The following TOP3A variants were observed in gnomAD, a reference collection of about 807,000 sequenced individuals.
TOP3A encodes DNA topoisomerase III alpha, also known as DNA topoisomerase 3-alpha.
In TOP3A, 64 loss-of-function variants were observed where a neutral mutation model predicts 111.3. The observed-to-expected ratio is 0.57, with a 90% CI of 0.47 to 0.71. The LOEUF (loss-of-function observed/expected upper bound fraction) is 0.71. TOP3A is among the 30% of genes least tolerant of loss of function. The probability of loss-of-function intolerance (pLI) is 0.00; values close to 1 mark genes in which losing one functional copy is unlikely to be tolerated. For synonymous variants in TOP3A, 484 were observed against 485.1 expected (o/e 1.00, Z 0.03); for missense variants, 1,104 against 1,285.0 (o/e 0.86, Z 2.15).
chr17:18,297,903 G>A (rs1212562769), intron 9 of TOP3A, among the ~76,000 whole-genome samples: 1 of 151,592 alleles, frequency 6.6e-6, no homozygotes, highest in Non-Finnish European at 1.5e-5. Flanking sequence ...GATGTGAGGA[G>A]CCCCTCTGCC....
chr17:18,289,203 TG>T (rs34641517), intron 13 of TOP3A, among the ~76,000 whole-genome samples: 1 of 152,106 alleles, frequency 6.6e-6, no homozygotes, highest in Non-Finnish European at 1.5e-5. Context: ...TTAGTAGTGA[TG>T]GGGTTTTGCC....
chr17:18,305,152 G>T lies in TOP3A; in HGVS notation c.459C>A (p.Gly153=), dbSNP rs761915745. ...GGATAATCTCAAACCCGATGTTTTC[G>T]CCTTCTCTATCACAGTCAGTCCAGA... The part of the protein sequence containing the change: ...LVIWTDCDRE[G]ENIGFEIIHV... Residue 153 remains glycine, a synonymous_variant, in exon 5 of 19, where the codon GGC becomes GGA. Transcript: ENST00000321105. 1.9e-6 allele frequency: 3 copies of T among 1,614,082 alleles called. No individual in the cohort carries two copies. The highest frequency in any genetic ancestry group is 2.5e-6 in the Non-Finnish European group (3 of 1,180,024).
intron 2 of TOP3A, 35 bp from the exon 3 acceptor site, chr17:18,308,459 T>G: frequency 6.9e-7 from 1 of 1,451,112 alleles, no homozygotes; most frequent in Non-Finnish European, 9.6e-7. Context: ...TCAGTTAGTC[T>G]TTTTGCAGTT....
intron 14 of TOP3A, 32 bp downstream of exon 14, chr17:18,285,375 C>G (rs1187674294): frequency 6.2e-7 from 1 of 1,613,562 alleles, no homozygotes; most frequent in Non-Finnish European, 8.5e-7. Flanking sequence ...CGACACCACC[C>G]ACTACCCACT....
At chr17:18,294,097 G>C (rs749789488) in intron 10 of TOP3A, among the ~76,000 whole-genome samples, 1 of 152,164 alleles carries the variant, frequency 6.6e-6, no homozygotes, top group African/African-American at 2.4e-5. Flanking sequence ...GCGGGGAGGA[G>C]TTTCACAGGC....
At chr17:18,302,525 G>A (rs1981298571) in intron 6 of TOP3A, 55 bp downstream of exon 6, 1 of 1,596,156 alleles carries the variant, frequency 6.3e-7, no homozygotes, top group Admixed American at 1.7e-5. Context: ...GCCCATTTTT[G>A]GTCCCATAAC....
intron 16 of TOP3A, among the ~76,000 whole-genome samples, chr17:18,282,009 T>A (rs1486914611): frequency 2.0e-5 from 3 of 152,136 alleles, no homozygotes; most frequent in Admixed American, 1.3e-4. Context: ...GGACGGCACC[T>A]GATGAATGAT....
intron 9 of TOP3A, among the ~76,000 whole-genome samples, chr17:18,296,666 G>C (rs1980827470): frequency 6.6e-6 from 1 of 152,166 alleles, no homozygotes; most frequent in East Asian, 1.9e-4. Flanking sequence ...GCTTGACCAA[G>C]ACAAAAGAAC....
In TOP3A at chr17:18,285,161, C is replaced by T. The variant is rs1980007873; in HGVS notation, c.1858G>A (p.Ala620Thr). ...VQKYKQVFIE[A>T]VAKAKKLDEA... Reference sequence around the variant, plus strand: ...ACTTACTTCTTTGCTTTAGCCACCGCTTCAATGAAAACCTGCTTGTATTTC... The same window carrying T: ...ACTTACTTCTTTGCTTTAGCCACCGTTTCAATGAAAACCTGCTTGTATTTC... Residue 620 changes from alanine to threonine, a missense_variant, in exon 15 of 19, where the codon GCG becomes ACG. Physicochemically the swap from Ala to Thr is moderately conservative, Grantham distance 58. Coordinates refer to ENST00000321105, the MANE Select transcript of TOP3A (RefSeq NM_004618.5). 1 of 1,614,120 alleles carries T rather than the reference C, an allele frequency of 6.2e-7. No homozygotes were observed. Among genetic ancestry groups the T allele is most frequent in the Non-Finnish European group, 8.5e-7 (1 of 1,180,026 alleles).
In TOP3A at chr17:18,301,895, A is replaced by T. The variant is rs758819438; in HGVS notation, c.905T>A (p.Leu302Ter). Residue 302 changes from leucine (L) to a stop codon, truncating the protein, a stop_gained, in exon 8 of 19, where the codon TTG becomes TAG. Transcript: ENST00000321105. LOFTEE classifies it high-confidence loss of function. ...NHTACLVLYQLCVEDPMATVV... is the reference protein window; with the variant it reads ...NHTACLVLYQ ...ATTAGGGGTTCTTACCTCCACACAC[A>T]ACTGATAGAGAACTAGGCAAGCCGT... is the stretch of plus-strand genomic sequence containing the variant. 13 of 1,614,066 alleles carry T rather than the reference A, an allele frequency of 8.1e-6. No individual in the cohort carries two copies. In the South Asian group the frequency reaches 1.4e-4, roughly 18 times the overall value.
chr17:18,285,386 G>A (rs755946564), intron 14 of TOP3A, 21 bp downstream of exon 14: 2 of 1,613,644 alleles, frequency 1.2e-6, no homozygotes, highest in Non-Finnish European at 1.7e-6. Context: ...ACTACCCACT[G>A]CAAGCTCTGT....
chr17:18,284,324 T>G (rs544471324), intron 15 of TOP3A, among the ~76,000 whole-genome samples: 1 of 152,148 alleles, frequency 6.6e-6, no homozygotes, highest in Admixed American at 6.5e-5. Context: ...TGTTTGGGGA[T>G]TTTATGGAGG....
chr17:18,278,441 G>A, intron 17 of TOP3A, 84 bp from the exon 18 acceptor site: 1 of 1,279,592 alleles, frequency 7.8e-7, no homozygotes, highest in Middle Eastern at 1.9e-4. Flanking sequence ...TTTAGCCCTA[G>A]GCCTCTCTCC....
chr17:18,279,962 C>T (rs1335836127), intron 17 of TOP3A, among the ~76,000 whole-genome samples: 3 of 152,024 alleles, frequency 2.0e-5, no homozygotes, highest in East Asian at 1.9e-4. Flanking sequence ...ACCAGCCTGG[C>T]CAACATGGTG....
At position 18,298,391 on chromosome 17, in the gene TOP3A, GC is replaced by G. The variant is rs1477894670; in HGVS notation, c.990+1167del. ...ATCCGGGAGGGAGGTGGGGGGGTCA[GC>G]CCCCCACCCGGCCAGCCTCCCCGTC... On this transcript the variant is annotated intron_variant, in intron 9 of 18. Coordinates refer to ENST00000321105, the MANE Select transcript of TOP3A (RefSeq NM_004618.5). Among the ~76,000 whole-genome samples, 3 of 145,346 alleles carry G rather than the reference GC, an allele frequency of 2.1e-5. 1 individual carries two copies. The highest frequency in any genetic ancestry group is 8.0e-5 in the African/African-American group (3 of 37,338).
At chr17:18,303,264 G>A (rs1012327738) in intron 5 of TOP3A, among the ~76,000 whole-genome samples, 2 of 152,152 alleles carry the variant, frequency 1.3e-5, no homozygotes, top group African/African-American at 2.4e-5. Flanking sequence ...GTGGAAGGCC[G>A]CAGGGACCCC....
chr17:18,308,742 A>C (rs563362875), intron 2 of TOP3A, 140 bp downstream of exon 2: 18 of 522,334 alleles, frequency 3.4e-5, no homozygotes, highest in Non-Finnish European at 5.4e-5. Context: ...ATAAATTATA[A>C]AGTGATCACC....
chr17:18,307,064 C>T (rs895879543), intron 3 of TOP3A, 98 bp from the exon 4 acceptor site: 22 of 816,474 alleles, frequency 2.7e-5, no homozygotes, highest in Admixed American at 2.5e-4. Flanking sequence ...ATGGTGTATC[C>T]CCAAAAGAAA....
At chr17:18,291,467 C>CA (rs1394759874) in intron 11 of TOP3A, among the ~76,000 whole-genome samples, 1 of 152,224 alleles carries the variant, frequency 6.6e-6, no homozygotes, top group Non-Finnish European at 1.5e-5. Flanking sequence ...CTCAGTCTAT[C>CA]AAAAGCCCAT....
Sources: gnomAD v4.1 joint callset for allele counts (sites outside exome capture counted in the v4.1 genomes callset) on GRCh38, gnomAD v4.1.1 for gene constraint, MANE v1.5 for transcripts, NCBI Gene and HGNC (gene_info 2026-07-23, HGNC 2026-07-21) for gene names.